ATRNL1: variants seen among roughly 807,000 people sequenced by gnomAD.
ATRNL1 encodes the protein attractin-like protein 1.
In ATRNL1, 95 loss-of-function variants were observed where a neutral mutation model predicts 182.7. The observed-to-expected ratio is 0.52, with a 90% CI of 0.44 to 0.62. The LOEUF is 0.62. Among genes scored for constraint, ATRNL1 ranks in the 20% least tolerant of loss-of-function variants. The pLI is 0.00. For synonymous variants in ATRNL1, 576 were observed against 568.3 expected (o/e 1.01, Z -0.19); for missense variants, 1,471 against 1,679.5 (o/e 0.88, Z 2.17).
intron 25 of ATRNL1, among the ~76,000 whole-genome samples, chr10:115,535,035 T>G (rs1187249567): frequency 6.6e-6 from 1 of 151,914 alleles, no homozygotes; most frequent in Non-Finnish European, 1.5e-5. Flanking sequence ...CTGGCTGCCC[T>G]TAACATTTTT....
At chr10:115,181,678 A>G (rs1201048776) in intron 8 of ATRNL1, among the ~76,000 whole-genome samples, 1 of 151,744 alleles carries the variant, frequency 6.6e-6, no homozygotes, top group African/African-American at 2.4e-5. Flanking sequence ...AAAATTAACA[A>G]TAAAACAGAA....
At chr10:115,365,449 T>C (rs1249616438) in intron 19 of ATRNL1, among the ~76,000 whole-genome samples, 1 of 152,096 alleles carries the variant, frequency 6.6e-6, no homozygotes. Context: ...CTATGAATTT[T>C]GTTGATCCTT....
chr10:115,151,628 A>C (rs1158861607), intron 5 of ATRNL1, among the ~76,000 whole-genome samples: 3 of 152,216 alleles, frequency 2.0e-5, no homozygotes, highest in African/African-American at 7.2e-5. Flanking sequence ...GCCCTTTGCC[A>C]GATGAGTACA....
intron 26 of ATRNL1, among the ~76,000 whole-genome samples, chr10:115,715,988 AG>A (rs1414679041): frequency 5.3e-5 from 8 of 152,246 alleles, no homozygotes; most frequent in African/African-American, 1.9e-4. Flanking sequence ...CATTGTTCCA[AG>A]TACATAAGAA....
intron 8 of ATRNL1, among the ~76,000 whole-genome samples, chr10:115,198,245 G>A (rs1172612964): frequency 6.6e-6 from 1 of 151,934 alleles, no homozygotes; most frequent in East Asian, 1.9e-4. Context: ...GTTTTAATTT[G>A]CATTTTTCTG....
intron 22 of ATRNL1, among the ~76,000 whole-genome samples, chr10:115,464,123 GAA>G (rs1363633537): frequency 1.3e-5 from 2 of 151,970 alleles, no homozygotes; most frequent in South Asian, 2.1e-4. Flanking sequence ...CAAGAAACCA[GAA>G]AAGTGTTCTG....
At chr10:115,148,257 G>T (rs1375800310) in intron 5 of ATRNL1, among the ~76,000 whole-genome samples, 4 of 151,984 alleles carry the variant, frequency 2.6e-5, no homozygotes, top group African/African-American at 4.8e-5. Context: ...CATTATTTGT[G>T]TATAGAAATG....
At chr10:115,863,091 G>A (rs1371082758) in intron 28 of ATRNL1, among the ~76,000 whole-genome samples, 1 of 152,074 alleles carries the variant, frequency 6.6e-6, no homozygotes, top group Non-Finnish European at 1.5e-5. Context: ...AAAGCGAAAT[G>A]GGGTATAAAA....
chr10:115,632,778 G>A (rs940410794), intron 26 of ATRNL1, among the ~76,000 whole-genome samples: 19 of 151,912 alleles, frequency 1.3e-4, no homozygotes, highest in Admixed American at 5.3e-4. Flanking sequence ...CAATTTTTTG[G>A]TAAGCCACAA....
At chr10:115,805,106 C>G (rs1469836024) in intron 27 of ATRNL1, among the ~76,000 whole-genome samples, 9 of 152,130 alleles carry the variant, frequency 5.9e-5, no homozygotes, top group Admixed American at 6.5e-5. Flanking sequence ...CAAACATTCC[C>G]CTCCTAATTC....
intron 26 of ATRNL1, among the ~76,000 whole-genome samples, chr10:115,620,605 A>T (rs1592959258): frequency 6.6e-6 from 1 of 152,338 alleles, no homozygotes; most frequent in East Asian, 1.9e-4. Flanking sequence ...CTTATTTATT[A>T]AAGATTTACT....
chr10:115,478,407 A>G (rs918784509), intron 24 of ATRNL1, among the ~76,000 whole-genome samples: 1 of 151,674 alleles, frequency 6.6e-6, no homozygotes, highest in Admixed American at 6.6e-5. Context: ...TTTTCTAGTT[A>G]CTGTTAGCCA....
chr10:115,636,137 T>C (rs943957964), intron 26 of ATRNL1, among the ~76,000 whole-genome samples: 1 of 152,182 alleles, frequency 6.6e-6, no homozygotes, highest in African/African-American at 2.4e-5. Flanking sequence ...CATTTCTGTA[T>C]TTTCTACTTC....
intron 26 of ATRNL1, among the ~76,000 whole-genome samples, chr10:115,650,196 A>C (rs1404796853): frequency 6.6e-6 from 1 of 152,068 alleles, no homozygotes; most frequent in Non-Finnish European, 1.5e-5. Flanking sequence ...TTATTATAGT[A>C]CTTAAGCTGT....
chr10:115,349,159 C>G (rs1358839756), intron 19 of ATRNL1, among the ~76,000 whole-genome samples: 1 of 152,166 alleles, frequency 6.6e-6, no homozygotes, highest in African/African-American at 2.4e-5. Context: ...TCATTCACTA[C>G]CTCCAGGAGA....
chr10:115,234,743 A>C (rs1850106659), intron 9 of ATRNL1, among the ~76,000 whole-genome samples: 1 of 151,910 alleles, frequency 6.6e-6, no homozygotes, highest in Non-Finnish European at 1.5e-5. Flanking sequence ...GATGGGTGCC[A>C]GCAGGGCCGA....
chr10:115,267,125 C>A (rs1314590902), intron 12 of ATRNL1, 120 bp downstream of exon 12: 1 of 631,302 alleles, frequency 1.6e-6, no homozygotes, highest in Non-Finnish European at 2.7e-6. Context: ...TTGTATTACC[C>A]TAATTAGGAA....
chr10:115,677,249 G>T (rs567631922), intron 26 of ATRNL1, among the ~76,000 whole-genome samples: 6 of 152,198 alleles, frequency 3.9e-5, no homozygotes, highest in African/African-American at 1.4e-4. Context: ...CCATGAAAAA[G>T]ATATGGCCAC....
At chr10:115,903,562 A>C (rs547334927) in intron 28 of ATRNL1, among the ~76,000 whole-genome samples, 2 of 152,312 alleles carry the variant, frequency 1.3e-5, no homozygotes, top group Admixed American at 6.5e-5. Context: ...CTTTCTTTGG[A>C]GCTAAAAGAG....
Sources: gnomAD v4.1 joint callset for allele counts (sites outside exome capture counted in the v4.1 genomes callset) on GRCh38, gnomAD v4.1.1 for gene constraint, MANE v1.5 for transcripts, NCBI Gene and HGNC (gene_info 2026-07-23, HGNC 2026-07-21) for gene names.